The following DGKG variants were observed in gnomAD, a reference collection of about 807,000 sequenced individuals.
DGKG encodes the protein DAG kinase gamma.
In DGKG, 78 loss-of-function variants were observed where a neutral mutation model predicts 105.3. The observed-to-expected ratio is 0.74, with a 90% CI of 0.62 to 0.89. The LOEUF (loss-of-function observed/expected upper bound fraction) is 0.89. DGKG is among the 40% of genes least tolerant of loss of function. The pLI is 0.00. For synonymous variants in DGKG, 346 were observed against 367.1 expected, an observed-to-expected ratio of 0.94 and a Z score of 0.66; for missense variants, 958 against 1,020.1, an observed-to-expected ratio of 0.94 and a Z score of 0.83.
chr3:186,208,844 T>C (rs1296145229), intron 21 of DGKG, among the ~76,000 whole-genome samples: 1 of 152,238 alleles, frequency 6.6e-6, no homozygotes, highest in African/African-American at 2.4e-5. Context: ...TAGCACCTGT[T>C]AGGTAAATCT....
In DGKG at chr3:186,148,239, G is replaced by T. The variant is rs1432415213; in HGVS notation, c.*1851C>A. ...CACTGAGCTCTGCTGAGACCCCTCT[G>T]TCCTGGCTGGCAGTATCTTGCAGAA... On this transcript the variant is annotated 3_prime_UTR_variant, in exon 25 of 25. Transcript: ENST00000265022. 1.3e-5 allele frequency: 13 copies of T among 985,368 alleles called. No homozygotes were observed. In the East Asian group the frequency reaches 1.4e-3, roughly 103 times the overall value. 61.0% of individuals were successfully genotyped at this position (985,368 alleles called of 1,614,324 possible). A position where few individuals can be genotyped will look rare whatever the true frequency, so the allele number is the denominator to read the frequency against.
In DGKG at chr3:186,259,474, T is replaced by C. The variant is rs180997814; in HGVS notation, c.1424+965A>G. On this transcript the variant is annotated intron_variant, in intron 16 of 24. Transcript: ENST00000265022. ...GGCAGGTGTACTGAATCCGCACTTA[T>C]GTTTCTTTCTCTTTTTAACTGGGCC... Among the ~76,000 whole-genome samples the C allele has an allele frequency of 1.9e-3, 286 of 152,302 alleles. 1 individual carries two copies. Among genetic ancestry groups the C allele is most frequent in the Middle Eastern group, 0.014 (4 of 294 alleles).
rs1473610320 is a variant in DGKG at position 186,148,853 on chromosome 3, C to T, written c.*1237G>A. On this transcript the variant is annotated 3_prime_UTR_variant, in exon 25 of 25. Coordinates refer to ENST00000265022, the MANE Select transcript of DGKG (RefSeq NM_001346.3). ...AGGGAGATGCGTCCTGACAATGAAACGGTGGAGTGGGGGAGTGAGAACCTT... is the reference window on the plus strand; with the variant it reads ...AGGGAGATGCGTCCTGACAATGAAATGGTGGAGTGGGGGAGTGAGAACCTT... 2.2e-5 allele frequency: 22 copies of T among 984,744 alleles called. No homozygotes were observed. Among genetic ancestry groups the T allele is most frequent in the African/African-American group, 1.2e-4 (7 of 57,000 alleles). 61.0% of individuals were successfully genotyped at this position (984,744 alleles called of 1,614,324 possible). A position where few individuals can be genotyped will look rare whatever the true frequency, so the allele number is the denominator to read the frequency against.
intron 1 of DGKG, among the ~76,000 whole-genome samples, chr3:186,340,767 G>T (rs990713174): frequency 6.6e-6 from 1 of 152,076 alleles, no homozygotes; most frequent in Non-Finnish European, 1.5e-5. Flanking sequence ...TGATACATTG[G>T]CTTTATTTAC....
chr3:186,342,105 A>G (rs927228905), intron 1 of DGKG, among the ~76,000 whole-genome samples: 1 of 152,184 alleles, frequency 6.6e-6, no homozygotes, highest in Admixed American at 6.5e-5. Context: ...AGCATGGCAC[A>G]TGTATACGTA....
chr3:186,322,080 A>G (rs532705255), intron 1 of DGKG, among the ~76,000 whole-genome samples: 31 of 152,210 alleles, frequency 2.0e-4, no homozygotes, highest in African/African-American at 7.2e-4. Flanking sequence ...AGACTCTCTT[A>G]TGTTTCTGGG....
intron 20 of DGKG, among the ~76,000 whole-genome samples, chr3:186,230,403 C>T (rs898808342): frequency 6.6e-6 from 1 of 152,132 alleles, no homozygotes; most frequent in South Asian, 2.1e-4. Context: ...CAAGTGATGA[C>T]TAGGTCACAA....
intron 1 of DGKG, among the ~76,000 whole-genome samples, chr3:186,349,020 T>A (rs181217076): frequency 8.5e-5 from 13 of 152,056 alleles, no homozygotes; most frequent in African/African-American, 3.1e-4. Flanking sequence ...CTGGGATACA[T>A]GTGGAGAATA....
rs1025874406 is a variant in DGKG, at chr3:186,361,512, C to T, written c.-249+434G>A. ...CCCAAAGTCCTAGAACCCCGCGGGACGGTCGGAGGCTTTGGCGGCCAGACA... is the reference window on the plus strand; with the variant it reads ...CCCAAAGTCCTAGAACCCCGCGGGATGGTCGGAGGCTTTGGCGGCCAGACA... On this transcript the variant is annotated intron_variant, in intron 1 of 24. Coordinates refer to ENST00000265022, the MANE Select transcript of DGKG (RefSeq NM_001346.3). This position sits in a 1 kb window ranked among gnomAD's most constrained non-coding sequence, Gnocchi z 6.8. 1.3e-5 allele frequency among the ~76,000 whole-genome samples: 2 copies of T among 152,182 alleles called. No homozygotes were observed. The highest frequency in any genetic ancestry group is 2.9e-5 in the Non-Finnish European group (2 of 68,024).
intron 22 of DGKG, among the ~76,000 whole-genome samples, chr3:186,186,050 A>G (rs1046844120): frequency 3.6e-5 from 5 of 140,312 alleles, no homozygotes; most frequent in African/African-American, 1.1e-4. Flanking sequence ...GTGAGCCAAC[A>G]TGTGCCACTG....
At chr3:186,191,949 A>T (rs912497251) in intron 21 of DGKG, among the ~76,000 whole-genome samples, 1 of 152,188 alleles carries the variant, frequency 6.6e-6, no homozygotes, top group Non-Finnish European at 1.5e-5. Flanking sequence ...TCCTTCATAC[A>T]CATATTCCTA....
intron 10 of DGKG, 50 bp downstream of exon 10, chr3:186,275,497 G>T: frequency 6.7e-7 from 1 of 1,493,002 alleles, no homozygotes; most frequent in Non-Finnish European, 9.3e-7. Context: ...CCAACCATGC[G>T]CAGAGCAAGA....
At chr3:186,175,547 A>G (rs1240591003) in intron 22 of DGKG, among the ~76,000 whole-genome samples, 1 of 152,112 alleles carries the variant, frequency 6.6e-6, no homozygotes, top group Non-Finnish European at 1.5e-5. Context: ...GTGGTGGGGA[A>G]TGTCCCAGTG....
chr3:186,260,632 T>C, intron 15 of DGKG, 119 bp from the exon 16 acceptor site: 12 of 775,384 alleles, frequency 1.5e-5, no homozygotes, highest in Non-Finnish European at 2.6e-5. Flanking sequence ...TGAGGGTTCA[T>C]TTAAACCCCG....
chr3:186,258,531 C>G (rs1721592725), intron 16 of DGKG, among the ~76,000 whole-genome samples: 1 of 152,198 alleles, frequency 6.6e-6, no homozygotes. Flanking sequence ...TAAGCTCAAA[C>G]TGAAATTAGT....
chr3:186,249,175 G>A (rs1185548338), intron 19 of DGKG, among the ~76,000 whole-genome samples: 1 of 152,074 alleles, frequency 6.6e-6, no homozygotes, highest in African/African-American at 2.4e-5. Flanking sequence ...GGGGGCACCT[G>A]GAAGAGGTCT....
At chr3:186,292,521 C>T (rs913314158) in intron 5 of DGKG, among the ~76,000 whole-genome samples, 4 of 152,154 alleles carry the variant, frequency 2.6e-5, no homozygotes, top group Admixed American at 1.3e-4. Context: ...AGGCCGGGCA[C>T]GGTGGCTCAT....
chr3:186,160,995 T>C, intron 24 of DGKG: 1 of 985,926 alleles, frequency 1.0e-6, no homozygotes, highest in Non-Finnish European at 1.2e-6. Flanking sequence ...CCAGGCACTG[T>C]TCTACGTTCT....
intron 21 of DGKG, among the ~76,000 whole-genome samples, chr3:186,205,535 C>A (rs1718688373): frequency 6.6e-6 from 1 of 152,076 alleles, no homozygotes; most frequent in African/African-American, 2.4e-5. Flanking sequence ...CATGGCAAAG[C>A]CCTGTGTCTA....
Sources: gnomAD v4.1 joint callset for allele counts (sites outside exome capture counted in the v4.1 genomes callset) on GRCh38, gnomAD v4.1.1 for gene constraint, Gnocchi (gnomAD v3.1) non-coding constraint, MANE v1.5 for transcripts, NCBI Gene and HGNC (gene_info 2026-07-23, HGNC 2026-07-21) for gene names.